Variants in SEMA4D observed in about 807,000 individuals in gnomAD.
SEMA4D encodes the protein semaphorin-4D.
A neutral mutation model predicts 74.8 loss-of-function variants in SEMA4D; 22 were observed. The observed-to-expected ratio is 0.29, with a 90% CI of 0.21 to 0.42. The LOEUF is 0.42. Ranked by LOEUF, SEMA4D falls within the 10% of genes least tolerant of loss-of-function variation. SEMA4D has a pLI of 1.00. For synonymous variants in SEMA4D, 445 were observed against 463.7 expected (o/e 0.96, Z 0.52); for missense variants, 937 against 1,118.4 (o/e 0.84, Z 2.31).
chr9:89,488,936 C>A (rs976213634), intron 1 of SEMA4D, among the ~76,000 whole-genome samples: 7 of 152,200 alleles, frequency 4.6e-5, no homozygotes, highest in Non-Finnish European at 1.0e-4. Flanking sequence ...AGAACACCTA[C>A]AACTCACATA....
intron 9 of SEMA4D, 67 bp downstream of exon 9, chr9:89,391,197 C>T: frequency 6.6e-7 from 1 of 1,520,382 alleles, no homozygotes; most frequent in Non-Finnish European, 9.1e-7. Flanking sequence ...GGTCAGGAGC[C>T]ACCCATCATC....
chr9:89,444,397 G>A (rs1318299720), intron 2 of SEMA4D, among the ~76,000 whole-genome samples: 1 of 152,152 alleles, frequency 6.6e-6, no homozygotes, highest in East Asian at 1.9e-4. Flanking sequence ...GCACATGAGG[G>A]GACTCCTCCC....
At position 89,448,905 on chromosome 9, in the gene SEMA4D, G is replaced by C. The variant is rs368732672; in HGVS notation, c.-244+6983C>G. On this transcript the variant is annotated intron_variant, in intron 2 of 15. Coordinates refer to ENST00000422704, the MANE Select transcript of SEMA4D (RefSeq NM_001371194.2). ...CCAAAGCAAGTGAAGGTCAGGGCCT[G>C]AAAGGGTTACGTGGGGACCCTCCTC... Among the ~76,000 whole-genome samples, 148 of 152,352 alleles carry C rather than the reference G, an allele frequency of 9.7e-4. 3 individuals carry two copies. The highest frequency in any genetic ancestry group is 8.1e-3 in the South Asian group (39 of 4,824).
chr9:89,406,964 C>G (rs1843449021), intron 2 of SEMA4D, among the ~76,000 whole-genome samples: 1 of 151,436 alleles, frequency 6.6e-6, no homozygotes. Context: ...AACCCCACCC[C>G]CACCCCCAAT....
intron 13 of SEMA4D, chr9:89,385,989 T>C: frequency 6.1e-6 from 6 of 985,128 alleles, no homozygotes; most frequent in Non-Finnish European, 7.2e-6. Flanking sequence ...TTTTCCACGG[T>C]GACGAGTCAG....
chr9:89,386,207 G>T, intron 13 of SEMA4D, 160 bp downstream of exon 13: 1 of 585,624 alleles, frequency 1.7e-6, no homozygotes. Flanking sequence ...CACAGCTCAC[G>T]GAATGGCTCT....
intron 1 of SEMA4D, among the ~76,000 whole-genome samples, chr9:89,464,912 G>A (rs1050169503): frequency 2.0e-5 from 3 of 152,224 alleles, no homozygotes; most frequent in African/African-American, 4.8e-5. Flanking sequence ...GCAAGCATAT[G>A]CTGGCTCTAA....
chr9:89,444,357 C>T (rs539802921), intron 2 of SEMA4D, among the ~76,000 whole-genome samples: 9 of 152,194 alleles, frequency 5.9e-5, no homozygotes, highest in African/African-American at 1.2e-4. Context: ...CCTGCCATCA[C>T]GGCTCACAAA....
chr9:89,419,096 G>A (rs901089922), intron 2 of SEMA4D, among the ~76,000 whole-genome samples: 4 of 149,808 alleles, frequency 2.7e-5, no homozygotes, highest in South Asian at 2.2e-4. Context: ...CACAACATCC[G>A]GTCCCCCCAC....
At chr9:89,384,442 G>T (rs891790893) in intron 13 of SEMA4D, among the ~76,000 whole-genome samples, 3 of 152,186 alleles carry the variant, frequency 2.0e-5, no homozygotes, top group Non-Finnish European at 4.4e-5. Flanking sequence ...TACCCAGACA[G>T]AAACAGAAAG....
downstream of SEMA4D, among the ~76,000 whole-genome samples, chr9:89,373,386 G>T (rs1481505000): frequency 1.3e-5 from 2 of 152,164 alleles, no homozygotes; most frequent in African/African-American, 4.8e-5. Flanking sequence ...GTTGGGGCAG[G>T]TGGGGACATC....
intron 13 of SEMA4D, among the ~76,000 whole-genome samples, chr9:89,384,362 A>T (rs1388147255): frequency 2.0e-5 from 3 of 152,232 alleles, no homozygotes; most frequent in Non-Finnish European, 2.9e-5. Flanking sequence ...AGGAACCTTG[A>T]GGACTTTATG....
chr9:89,426,920 AC>A (rs2134436580), intron 2 of SEMA4D, among the ~76,000 whole-genome samples: 1 of 152,346 alleles, frequency 6.6e-6, no homozygotes, highest in Non-Finnish European at 1.5e-5. Context: ...ACACCCGGCT[AC>A]GATGGTAAGG....
chr9:89,361,625 C>T (rs1450694343), exon 19 of SEMA4D: 1 of 152,196 alleles, frequency 6.6e-6, no homozygotes, highest in African/African-American at 2.4e-5. Context: ...TTTAATATGG[C>T]ACCAGGAGAT....
At chr9:89,487,617 T>C (rs1410777437) in intron 1 of SEMA4D, among the ~76,000 whole-genome samples, 1 of 152,148 alleles carries the variant, frequency 6.6e-6, no homozygotes, top group Non-Finnish European at 1.5e-5. Context: ...ATTATCTATA[T>C]GAAAGATCTT....
chr9:89,422,342 A>AC (rs896762311), intron 2 of SEMA4D, among the ~76,000 whole-genome samples: 1 of 152,076 alleles, frequency 6.6e-6, no homozygotes, highest in African/African-American at 2.4e-5. Flanking sequence ...TAGACTGTAG[A>AC]CCCCCAGCCC....
intron 13 of SEMA4D, among the ~76,000 whole-genome samples, chr9:89,383,876 G>C (rs928068036): frequency 1.3e-5 from 2 of 152,148 alleles, no homozygotes; most frequent in Admixed American, 1.3e-4. Flanking sequence ...GACGCCCCCT[G>C]TCTCCGCCTT....
intron 2 of SEMA4D, among the ~76,000 whole-genome samples, chr9:89,431,242 C>G (rs1046454374): frequency 6.6e-6 from 1 of 152,162 alleles, no homozygotes; most frequent in Non-Finnish European, 1.5e-5. Context: ...AGGCTGACTC[C>G]TAACCCTGGC....
intron 15 of SEMA4D, 57 bp from the exon 16 acceptor site, chr9:89,379,686 ACTT>A: frequency 6.5e-7 from 1 of 1,533,564 alleles, no homozygotes; most frequent in East Asian, 2.3e-5. Flanking sequence ...CTATTTAACA[ACTT>A]CTTTAAAATA....
Sources: allele counts gnomAD v4.1 joint callset (sites outside exome capture counted in the v4.1 genomes callset), GRCh38; gene constraint gnomAD v4.1.1; transcripts MANE v1.5; gene names NCBI Gene and HGNC (gene_info 2026-07-23, HGNC 2026-07-21).